The following CFH variants were observed in gnomAD, a reference collection of about 807,000 sequenced individuals.
The protein encoded by CFH is H factor 1 (complement).
CFH carries 53 observed loss-of-function variants against 147.3 expected under a neutral mutation model. That is an observed-to-expected ratio of 0.36 (90% CI 0.29 to 0.45). CFH has a LOEUF of 0.45. Ranked by LOEUF, CFH falls within the 20% of genes least tolerant of loss-of-function variation. The pLI is 1.00. For missense variants in CFH, 1,380 were observed against 1,498.0 expected, an observed-to-expected ratio of 0.92 and a Z score of 1.30; for synonymous variants, 536 against 489.4, an observed-to-expected ratio of 1.10 and a Z score of -1.26.
At chr1:196,694,870 ATTTG>A (rs1192042970) in intron 9 of CFH, among the ~76,000 whole-genome samples, 2 of 152,128 alleles carry the variant, frequency 1.3e-5, no homozygotes, top group African/African-American at 4.8e-5. Context: ...TTTCTTATAA[ATTTG>A]TTTAAGTTCC....
At chr1:196,741,091 T>A (rs1394132640) in intron 18 of CFH, 1 of 373,402 alleles carries the variant, frequency 2.7e-6, no homozygotes, top group Non-Finnish European at 5.0e-6. Context: ...CATTATTCAA[T>A]CTTCTGTCAG....
Position 196,736,850 on chromosome 1 carries a change from C to T in CFH, c.2440C>T (p.Pro814Ser). ...SMAQIQLCPP[P>S]PQIPNSHNMT... The stretch of plus-strand genomic sequence containing the variant: ...GGCACAAATACAATTATGCCCACCT[C>T]CACCTCAGATTCCCAATTCTCACAA... The change falls in exon 16 of 22, where the codon CCA becomes TCA. Residue 814 changes from proline to serine, a missense_variant. By Grantham distance (74) the Pro-to-Ser change is moderately conservative (BLOSUM62 -1). Around this residue, in one of 4 missense-constraint regions of CFH, gnomAD observed 830 missense variants for 821.4 expected, o/e 1.01. Coordinates refer to ENST00000367429, the MANE Select transcript of CFH (RefSeq NM_000186.4). 1.3e-6 allele frequency: 2 copies of T among 1,546,464 alleles called. No homozygotes were observed. Among genetic ancestry groups the T allele is most frequent in the Non-Finnish European group, 1.7e-6 (2 of 1,143,156 alleles).
intron 1 of CFH, among the ~76,000 whole-genome samples, chr1:196,659,926 T>A (rs1468120044): frequency 6.6e-6 from 1 of 152,226 alleles, no homozygotes; most frequent in Non-Finnish European, 1.5e-5. Flanking sequence ...ATGAAAAACA[T>A]TGTTCTTCAA....
At chr1:196,684,415 A>T (rs1667754038) in intron 6 of CFH, among the ~76,000 whole-genome samples, 1 of 151,928 alleles carries the variant, frequency 6.6e-6, no homozygotes, top group African/African-American at 2.4e-5. Flanking sequence ...ACTGAAGTTT[A>T]TTTTCATTCA....
chr1:196,710,083 G>A (rs1668689895), intron 9 of CFH, among the ~76,000 whole-genome samples: 1 of 151,764 alleles, frequency 6.6e-6, no homozygotes, highest in Non-Finnish European at 1.5e-5. Flanking sequence ...CTGGTCTAAA[G>A]AGCCCAGCAA....
intron 21 of CFH, 124 bp from the exon 22 acceptor site, chr1:196,746,987 G>T: frequency 3.3e-6 from 5 of 1,498,468 alleles, no homozygotes; most frequent in Non-Finnish European, 4.6e-6. Flanking sequence ...CTACATAGTT[G>T]GTTTGGATAG....
intron 4 of CFH, 57 bp downstream of exon 4, chr1:196,676,122 AG>A (rs1667445168): frequency 9.2e-7 from 1 of 1,089,270 alleles, no homozygotes; most frequent in African/African-American, 1.6e-5. Flanking sequence ...ATTTAAAAAA[AG>A]TCTTACATTA....
In CFH at chr1:196,726,808, G is replaced by C. The variant is rs1347660096; in HGVS notation, c.2104G>C (p.Ala702Pro). Residue 702 changes from alanine to proline, a missense_variant, in exon 14 of 22, where the codon GCC becomes CCC. By Grantham distance (27) the Ala-to-Pro change is conservative. Coordinates refer to ENST00000367429, the MANE Select transcript of CFH (RefSeq NM_000186.4). ...TATACCTGAACTTGAACATGGCTGG[G>C]CCCAGCTTTCTTCCCCTCCTTATTA... ...GDIPELEHGWAQLSSPPYYYG... is the reference protein window; with the variant it reads ...GDIPELEHGWPQLSSPPYYYG... 1.2e-6 allele frequency: 2 copies of C among 1,613,670 alleles called. No individual in the cohort carries two copies. Among genetic ancestry groups the C allele is most frequent in the African/African-American group, 1.3e-5 (1 of 74,870 alleles).
rs143584133 is a variant in CFH at position 196,680,685 on chromosome 1, T to C, written c.790+892T>C. Among the ~76,000 whole-genome samples, 79 of 151,872 alleles carry C rather than the reference T, an allele frequency of 5.2e-4. 1 individual carries two copies. The East Asian group carries it at 0.015, about 29-fold the overall frequency. On this transcript the variant is annotated intron_variant, in intron 6 of 21. Transcript: ENST00000367429. The stretch of plus-strand genomic sequence containing the variant: ...CATATGGTCCAGAAATCTAAAAGGG[T>C]GATACTGCCATACTGTGAGAGAAAG...
intron 7 of CFH, among the ~76,000 whole-genome samples, chr1:196,686,787 A>G (rs376511524): frequency 1.3e-5 from 2 of 152,146 alleles, no homozygotes; most frequent in African/African-American, 4.8e-5. Flanking sequence ...TTGGATTTCA[A>G]TTATTAATGT....
At chr1:196,746,226 A>G (rs1210562300) in intron 21 of CFH, among the ~76,000 whole-genome samples, 1 of 149,598 alleles carries the variant, frequency 6.7e-6, no homozygotes, top group East Asian at 1.9e-4. Flanking sequence ...CGGGCAGATC[A>G]CGAGGTCAGG....
chr1:196,660,176 T>C (rs1033768273), intron 1 of CFH, among the ~76,000 whole-genome samples: 4 of 152,120 alleles, frequency 2.6e-5, no homozygotes, highest in East Asian at 1.9e-4. Flanking sequence ...AAGCCAGTCA[T>C]CAGAAATCTG....
In CFH at chr1:196,652,104, A is replaced by G. The variant is rs1169549974; in HGVS notation, c.-14A>G. 6.3e-7 allele frequency: 1 copy of G among 1,596,106 alleles called. No individual in the cohort carries two copies. Among genetic ancestry groups the G allele is most frequent in the Non-Finnish European group, 8.6e-7 (1 of 1,163,820 alleles). On this transcript the variant is annotated 5_prime_UTR_variant, in exon 1 of 22. The change abolishes the stop of an existing upstream ORF in the 5' untranslated region. Transcript: ENST00000367429. ...AGAGTTAGCTGGTAAATGTCCTCTT[A>G]AAAGATCCAAAAAATGAGACTTCTA...
chr1:196,684,934 G>A (rs188056717), intron 6 of CFH, 130 bp from the exon 7 acceptor site: 79 of 719,600 alleles, frequency 1.1e-4, no homozygotes, highest in Admixed American at 8.7e-4. Context: ...ACTATGATAT[G>A]TTCATTTTAA....
chr1:196,677,150 G>T, intron 4 of CFH: 1 of 245,064 alleles, frequency 4.1e-6, no homozygotes, highest in South Asian at 5.5e-5. Flanking sequence ...TTATTCTAGG[G>T]CATAAATGAA....
chr1:196,726,638 T>C lies in CFH; in HGVS notation c.2042T>C (p.Leu681Ser), dbSNP rs866144958. The C allele has an allele frequency of 1.2e-6, 2 of 1,611,340 alleles. No homozygotes were observed. Among genetic ancestry groups the C allele is most frequent in the Non-Finnish European group, 1.7e-6 (2 of 1,177,560 alleles). Residue 681 changes from leucine (L) to serine (S), a missense_variant, in exon 13 of 22, where the codon TTA becomes TCA. Physicochemically the swap from Leu to Ser is moderately radical, Grantham distance 145 (BLOSUM62 -2). Transcript: ENST00000367429. The part of the protein sequence containing the change: ...IQCVDGEWTT[L>S]PVCIVEESTC... ...TGTGTTGATGGAGAGTGGACAACTTTACCAGTGTGTATTGGTAATGTATAA... is the reference window on the plus strand; with the variant it reads ...TGTGTTGATGGAGAGTGGACAACTTCACCAGTGTGTATTGGTAATGTATAA...
chr1:196,736,919 G>C lies in CFH; in HGVS notation c.2509G>C (p.Val837Leu), dbSNP rs55807605. The change falls in exon 16 of 22, where the codon GTT becomes CTT. Residue 837 changes from valine to leucine, a missense_variant. By Grantham distance (32) the Val-to-Leu change is conservative. This residue lies in a region of CFH where 830 missense variants were observed against 821.4 expected (regional missense o/e 1.01). Transcript: ENST00000367429. ...LNYRDGEKVS[V>L]LCQENYLIQE... Reference sequence around the variant, plus strand: ...TTATCGGGATGGAGAAAAAGTATCTGTTCTTTGCCAAGAAAATTATCTAAT... The same window carrying C: ...TTATCGGGATGGAGAAAAAGTATCTCTTCTTTGCCAAGAAAATTATCTAAT... 1 of 1,611,556 alleles carries C rather than the reference G, an allele frequency of 6.2e-7. No individual in the cohort carries two copies. The highest frequency in any genetic ancestry group is 8.5e-7 in the Non-Finnish European group (1 of 1,178,396).
chr1:196,667,559 C>G (rs1468137589), intron 1 of CFH, among the ~76,000 whole-genome samples: 1 of 152,082 alleles, frequency 6.6e-6, no homozygotes, highest in East Asian at 1.9e-4. Context: ...TTATCATTTA[C>G]TCTCAATTTA....
intron 15 of CFH, among the ~76,000 whole-genome samples, chr1:196,729,235 T>C (rs775019333): frequency 5.3e-5 from 8 of 152,084 alleles, no homozygotes; most frequent in East Asian, 3.9e-4. Flanking sequence ...CATTTCAATA[T>C]GTTTAGAGTC....
Sources: allele counts gnomAD v4.1 joint callset (sites outside exome capture counted in the v4.1 genomes callset), GRCh38; gene constraint gnomAD v4.1.1; regional missense constraint gnomAD v4.1.1; transcripts MANE v1.5; gene names NCBI Gene and HGNC (gene_info 2026-07-23, HGNC 2026-07-21).